Variants in DCHS1 observed in about 807,000 individuals in gnomAD.
DCHS1 encodes protocadherin-16.
A neutral mutation model predicts 213.9 loss-of-function variants in DCHS1; 78 were observed. The observed-to-expected ratio is 0.36, with a 90% CI of 0.30 to 0.44. DCHS1 has a LOEUF of 0.44. Among genes scored for constraint, DCHS1 ranks in the 20% least tolerant of loss-of-function variants. The pLI, the probability that DCHS1 is intolerant of heterozygous loss-of-function variation, is 1.00. For synonymous variants in DCHS1, 1,828 were observed against 1,873.7 expected, an observed-to-expected ratio of 0.98 and a Z score of 0.63; for missense variants, 3,946 against 4,395.9, an observed-to-expected ratio of 0.90 and a Z score of 2.89.
intron 1 of DCHS1, among the ~76,000 whole-genome samples, chr11:6,645,752 G>A (rs971357814): frequency 9.2e-5 from 14 of 152,046 alleles, no homozygotes; most frequent in Middle Eastern, 3.2e-3. Flanking sequence ...ACACTTTCAC[G>A]GTGGACACGC....
rs372494965 is a variant in DCHS1 at position 6,625,306 on chromosome 11, C to A, written c.7038G>T (p.Gln2346His). Residue 2346 changes from glutamine to histidine, a missense_variant, in exon 19 of 21, where the codon CAG becomes CAT. Gln to His is a conservative substitution (Grantham distance 24, BLOSUM62 0). Coordinates refer to ENST00000299441, the MANE Select transcript of DCHS1 (RefSeq NM_003737.4). The surrounding 1 kb of genome is among the most constrained non-coding windows in gnomAD (Gnocchi z 5.3). Reference sequence around the variant, plus strand: ...GCCCATCATGTGCCAGCAGCTGCAGCTGGTAGCGGTCACACTGCTCAAAGT... The same window carrying A: ...GCCCATCATGTGCCAGCAGCTGCAGATGGTAGCGGTCACACTGCTCAAAGT... ...PLDFEQCDRY[Q>H]LQLLAHDGPH... is the part of the protein sequence containing the mutation. 204 of 1,613,888 alleles carry A rather than the reference C, an allele frequency of 1.3e-4. 1 individual carries two copies. Among genetic ancestry groups the A allele is most frequent in the Non-Finnish European group, 1.6e-4 (193 of 1,179,876 alleles).
chr11:6,633,542 T>C lies in DCHS1; in HGVS notation c.2325A>G (p.Arg775=). ...GGGLQAEPSA[R]VDISIVPGTP... is the part of the protein sequence containing the mutation. Reference sequence around the variant, plus strand: ...TTCCAGGCACAATGCTGATGTCCACTCGGGCACTGGGTTCTGCCTGTAGGC... The same window carrying C: ...TTCCAGGCACAATGCTGATGTCCACCCGGGCACTGGGTTCTGCCTGTAGGC... Residue 775 remains arginine, a synonymous_variant, in exon 5 of 21, where the codon CGA becomes CGG. Transcript: ENST00000299441. The C allele has an allele frequency of 6.3e-7, 1 of 1,588,828 alleles. No individual in the cohort carries two copies. The highest frequency in any genetic ancestry group is 1.1e-5 in the South Asian group (1 of 87,252).
Position 6,626,194 on chromosome 11 carries a change from C to A in DCHS1, c.6551G>T (p.Arg2184Leu). 1.9e-6 allele frequency: 3 copies of A among 1,609,322 alleles called. No individual in the cohort carries two copies. The highest frequency in any genetic ancestry group is 2.7e-5 in the African/African-American group (2 of 74,898). Residue 2184 changes from arginine (R) to leucine (L), a missense_variant, in exon 16 of 21, where the codon CGG (arginine) becomes CTG (leucine). Transcript: ENST00000299441. This position sits in a 1 kb window ranked among gnomAD's most constrained non-coding sequence, Gnocchi z 5.2. ...CTGCAGCAGGGGCCCCTCCAAGGGC[C>A]GGGACTCAGGAAGGAAGGCCACATA... Reference protein sequence around the residue: ...PHYVAFLPESRPLEGPLLQVE... With the variant: ...PHYVAFLPESLPLEGPLLQVE...
chr11:6,622,522 G>C lies in DCHS1; in HGVS notation c.9154C>G (p.Arg3052Gly), dbSNP rs530903190. Reference protein sequence around the residue: ...DEIRMINEFPRVASVASSLAA... With the variant: ...DEIRMINEFPGVASVASSLAA... ...AGAGAGGAGGCCACACTGGCCACAC[G>C]GGGGAACTCATTGATCATGCGGATC... The change falls in exon 21 of 21, where the codon CGT becomes GGT. Residue 3052 changes from arginine (R) to glycine (G), a missense_variant. Physicochemically the swap from Arg to Gly is moderately radical, Grantham distance 125. Transcript: ENST00000299441. The surrounding 1 kb of genome is among the most constrained non-coding windows in gnomAD (Gnocchi z 5.4). The C allele has an allele frequency of 1.9e-6, 3 of 1,578,636 alleles. No homozygotes were observed. Among genetic ancestry groups the C allele is most frequent in the South Asian group, 2.3e-5 (2 of 86,054 alleles).
chr11:6,624,347 G>A lies in DCHS1; in HGVS notation c.7329C>T (p.Asp2443=), dbSNP rs139345379. The A allele has an allele frequency of 5.0e-4, 788 of 1,578,846 alleles. 1 individual carries two copies. Among genetic ancestry groups the A allele is most frequent in the Non-Finnish European group, 6.3e-4 (732 of 1,162,716 alleles). ...GCACCACATCCACTGCTCCTGACCCGTCATGGCCCAAGGCCACTGTTCCCA... is the reference window on the plus strand; with the variant it reads ...GCACCACATCCACTGCTCCTGACCCATCATGGCCCAAGGCCACTGTTCCCA... ...TIVGTVALGH[D]GSGAVDVVLE... Residue 2443 remains aspartate (D), a synonymous_variant, in exon 21 of 21, where the codon GAC becomes GAT. Coordinates refer to ENST00000299441, the MANE Select transcript of DCHS1 (RefSeq NM_003737.4).
intron 1 of DCHS1, 149 bp downstream of exon 1, chr11:6,655,414 G>A: frequency 2.6e-6 from 1 of 380,572 alleles, no homozygotes. Context: ...GTTCACGCCC[G>A]CCCGGGTCCC....
At chr11:6,630,980 A>C in intron 9 of DCHS1, 73 bp downstream of exon 9, 1 of 1,534,462 alleles carries the variant, frequency 6.5e-7, no homozygotes, top group Non-Finnish European at 8.8e-7. Context: ...AGTGGAGCCA[A>C]AGGATTCCCG....
chr11:6,645,825 A>G (rs1239402182), intron 1 of DCHS1, among the ~76,000 whole-genome samples: 1 of 152,196 alleles, frequency 6.6e-6, no homozygotes, highest in Admixed American at 6.5e-5. Flanking sequence ...TCATGCTGTC[A>G]GGCTTACGAA....
intron 1 of DCHS1, among the ~76,000 whole-genome samples, chr11:6,655,097 C>A (rs1261212642): frequency 6.6e-6 from 1 of 152,146 alleles, no homozygotes; most frequent in Admixed American, 6.5e-5. Context: ...CTGTCACACA[C>A]CCATCCTCCA....
chr11:6,642,241 A>G (rs1008923139), intron 1 of DCHS1, among the ~76,000 whole-genome samples: 1 of 151,782 alleles, frequency 6.6e-6, no homozygotes, highest in Admixed American at 6.6e-5. Flanking sequence ...CTACTTCCCT[A>G]CTCCTCTCTC....
Position 6,630,636 on chromosome 11 carries a change from C to T in DCHS1, c.4158G>A (p.Gly1386=). Reference sequence around the variant, plus strand: ...CCAGGGGCCGCGCCAGGTACAAGCGCCCTGAGGCCGCATCCAGCGCGAAGG... The same window carrying T: ...CCAGGGGCCGCGCCAGGTACAAGCGTCCTGAGGCCGCATCCAGCGCGAAGG... The part of the protein sequence containing the change: ...EGTFALDAAS[G]RLYLARPLDF... The change falls in exon 10 of 21, where the codon GGG becomes GGA. Residue 1386 remains glycine, a synonymous_variant. Transcript: ENST00000299441. The T allele has an allele frequency of 1.3e-6, 2 of 1,538,900 alleles. No individual in the cohort carries two copies. The highest frequency in any genetic ancestry group is 1.7e-6 in the Non-Finnish European group (2 of 1,146,996).
chr11:6,634,708 A>C (rs1204148984), intron 2 of DCHS1, among the ~76,000 whole-genome samples: 1 of 152,150 alleles, frequency 6.6e-6, no homozygotes, highest in Non-Finnish European at 1.5e-5. Flanking sequence ...GGAACATTAG[A>C]CCACACTTCA....
intron 1 of DCHS1, among the ~76,000 whole-genome samples, chr11:6,643,666 G>T (rs564107286): frequency 4.6e-5 from 7 of 152,174 alleles, no homozygotes; most frequent in Admixed American, 3.3e-4. Flanking sequence ...TACTCTGCCT[G>T]CGTGATCTTA....
At chr11:6,633,377 G>C (rs370014314) in intron 5 of DCHS1, 35 bp downstream of exon 5, 68 of 1,535,610 alleles carry the variant, frequency 4.4e-5, no homozygotes, top group Non-Finnish European at 5.7e-5. Context: ...GGGTATTTGG[G>C]TCTGACACCA....
At position 6,631,812 on chromosome 11, in the gene DCHS1, G is replaced by T. The variant is rs763133717; in HGVS notation, c.3482-3C>A. 23 of 1,521,300 alleles carry T rather than the reference G, an allele frequency of 1.5e-5. No individual in the cohort carries two copies. Among genetic ancestry groups the T allele is most frequent in the Non-Finnish European group, 2.0e-5 (23 of 1,133,820 alleles). 94.2% of individuals were successfully genotyped at this position (1,521,300 alleles called of 1,614,324 possible). Reference sequence around the variant, plus strand: ...GGTTTGGAGTGTGGTCACTTCTCCTGGGAGTGCAAGAAGGCGATCATGTAC... The same window carrying T: ...GGTTTGGAGTGTGGTCACTTCTCCTTGGAGTGCAAGAAGGCGATCATGTAC... On this transcript the variant is annotated splice_polypyrimidine_tract_variant and splice_region_variant and intron_variant, in intron 6 of 20. Transcript: ENST00000299441.
At chr11:6,648,649 TG>T (rs753156072) in intron 1 of DCHS1, among the ~76,000 whole-genome samples, 1 of 152,106 alleles carries the variant, frequency 6.6e-6, no homozygotes, top group African/African-American at 2.4e-5. Context: ...GACAGGATAG[TG>T]GTTAAGATGC....
chr11:6,629,939 G>A (rs1349706847), intron 10 of DCHS1, 28 bp from the exon 11 acceptor site: 1 of 1,607,018 alleles, frequency 6.2e-7, no homozygotes, highest in Non-Finnish European at 8.5e-7. Context: ...CAGGTTGGTG[G>A]GGACCCCAAC....
At position 6,641,409 on chromosome 11, in the gene DCHS1, G is replaced by T. The variant is rs781334086; in HGVS notation, c.205C>A (p.Pro69Thr). Residue 69 changes from proline to threonine, a missense_variant, in exon 2 of 21, where the codon CCG (proline) becomes ACG (threonine). Around this residue, in one of 3 missense-constraint regions of DCHS1, gnomAD observed 3,384 missense variants for 3,780.1 expected, o/e 0.90. Transcript: ENST00000299441. The surrounding 1 kb of genome is among the most constrained non-coding windows in gnomAD (Gnocchi z 7.1). ...TLIGDISAGLPAGTAAPLMYF... is the reference protein window; with the variant it reads ...TLIGDISAGLTAGTAAPLMYF... ...ATGAGAGGAGCTGCCGTGCCTGCCG[G>T]AAGCCCCGCACTGATGTCGCCAATC... is the stretch of plus-strand genomic sequence containing the variant. The T allele has an allele frequency of 6.2e-7, 1 of 1,613,268 alleles. No homozygotes were observed.
intron 12 of DCHS1, 81 bp downstream of exon 12, chr11:6,629,371 T>C (rs1855863171): frequency 6.5e-7 from 1 of 1,531,904 alleles, no homozygotes; most frequent in Non-Finnish European, 8.8e-7. Flanking sequence ...TTCTAAAAGG[T>C]AGTACTTTGG....
Sources: allele counts gnomAD v4.1 joint callset (sites outside exome capture counted in the v4.1 genomes callset), GRCh38; gene constraint gnomAD v4.1.1; regional missense constraint gnomAD v4.1.1; non-coding constraint Gnocchi (gnomAD v3.1); transcripts MANE v1.5; gene names NCBI Gene and HGNC (gene_info 2026-07-23, HGNC 2026-07-21).